ZNF536: variants seen among roughly 807,000 people sequenced by gnomAD.
ZNF536 encodes zinc finger protein 536.
A neutral mutation model predicts 84.5 loss-of-function variants in ZNF536; 13 were observed. The observed-to-expected ratio is 0.15, with a 90% CI of 0.10 to 0.24. The LOEUF (loss-of-function observed/expected upper bound fraction) is 0.24, where lower values mean the gene tolerates loss of function less well. Among genes scored for constraint, ZNF536 ranks in the 10% least tolerant of loss-of-function variants. The pLI, the probability that ZNF536 is intolerant of heterozygous loss-of-function variation, is 1.00. For missense variants in ZNF536, 1,536 were observed against 1,747.5 expected (o/e 0.88, Z 2.16); for synonymous variants, 811 against 742.5 (o/e 1.09, Z -1.50).
chr19:30,676,678 C>T (rs1356218317), intron 1 of ZNF536, among the ~76,000 whole-genome samples: 1 of 152,118 alleles, frequency 6.6e-6, no homozygotes, highest in East Asian at 1.9e-4. Flanking sequence ...AGAAACAGTA[C>T]AAATATTAAT....
chr19:30,701,236 CACACAA>C (rs2051943495), intron 1 of ZNF536, among the ~76,000 whole-genome samples: 3 of 151,800 alleles, frequency 2.0e-5, no homozygotes, highest in Non-Finnish European at 4.4e-5. Context: ...CACACAGACA[CACACAA>C]ACACAAACAC....
chr19:30,561,307 G>A (rs2046156051), downstream of ZNF536, among the ~76,000 whole-genome samples: 1 of 152,194 alleles, frequency 6.6e-6, no homozygotes, highest in South Asian at 2.1e-4. Flanking sequence ...GCCACTCCAA[G>A]GTGTGCCCTG....
intron 1 of ZNF536, among the ~76,000 whole-genome samples, chr19:30,646,536 C>T (rs550452129): frequency 7.9e-5 from 12 of 152,168 alleles, no homozygotes; most frequent in Admixed American, 1.3e-4. Context: ...TCGGTGTGTA[C>T]GTGTGGATGT....
intron 1 of ZNF536, among the ~76,000 whole-genome samples, chr19:30,261,420 G>A (rs116464510): frequency 1.1e-4 from 16 of 151,812 alleles, no homozygotes; most frequent in Non-Finnish European, 1.8e-4. Context: ...GAGTAGGTGC[G>A]GTGGCTCATG....
intron 2 of ZNF536, among the ~76,000 whole-genome samples, chr19:30,290,009 C>T (rs1198816260): frequency 1.3e-5 from 2 of 152,124 alleles, no homozygotes; most frequent in African/African-American, 2.4e-5. Flanking sequence ...AACTCTATAC[C>T]CATTAAATAA....
intron 1 of ZNF536, among the ~76,000 whole-genome samples, chr19:30,439,964 T>TC (rs2051953879): frequency 1.6e-5 from 2 of 125,226 alleles, no homozygotes; most frequent in Non-Finnish European, 3.5e-5. Context: ...TCTTTCTTTT[T>TC]TTTTTTTTTT....
At chr19:30,372,046 T>G (rs1197427548), upstream of ZNF536, among the ~76,000 whole-genome samples, 1 of 152,160 alleles carries the variant, frequency 6.6e-6, no homozygotes, top group Non-Finnish European at 1.5e-5. Context: ...TACCCTTATT[T>G]ATCATTTCTA....
intron 1 of ZNF536, among the ~76,000 whole-genome samples, chr19:30,255,443 G>T (rs939914216): frequency 1.3e-5 from 1 of 75,298 alleles, no homozygotes; most frequent in Non-Finnish European, 2.2e-5. Flanking sequence ...TAAAGAACAC[G>T]GGTTCGGGTG....
intron 1 of ZNF536, among the ~76,000 whole-genome samples, chr19:30,392,458 C>T (rs996760569): frequency 6.6e-6 from 1 of 152,196 alleles, no homozygotes; most frequent in East Asian, 1.9e-4. Context: ...ATGTAGAATC[C>T]GTGCCCTGCA....
At chr19:30,349,024 C>T (rs1201383854) in intron 2 of ZNF536, among the ~76,000 whole-genome samples, 1 of 152,164 alleles carries the variant, frequency 6.6e-6, no homozygotes, top group Non-Finnish European at 1.5e-5. Context: ...GGGCCTTCTG[C>T]CTCCACCAAA....
At chr19:30,545,372 C>T (rs1044383284) in intron 3 of ZNF536, among the ~76,000 whole-genome samples, 36 of 146,172 alleles carry the variant, frequency 2.5e-4, no homozygotes, top group Admixed American at 1.4e-3. Flanking sequence ...AAGTACTACC[C>T]GCTCCCATAT....
In ZNF536 at chr19:30,444,289, C is replaced by A. The variant is rs529033826; in HGVS notation, c.727C>A (p.Gln243Lys). 19 of 1,573,316 alleles carry A rather than the reference C, an allele frequency of 1.2e-5. No homozygotes were observed. The South Asian group carries it at 1.9e-4, about 16-fold the overall frequency. ...APLAACTLAL[Q>K]ANHSVPDVAH... ...GCTGGCCGCCTGCACCCTGGCCCTG[C>A]AGGCTAACCACAGCGTTCCCGACGT... The change falls in exon 2 of 5, where the codon CAG (glutamine) becomes AAG (lysine). Residue 243 changes from glutamine (Q) to lysine (K), a missense_variant. By Grantham distance (53) the Gln-to-Lys change is moderately conservative (BLOSUM62 1). Around this residue, in one of 8 missense-constraint regions of ZNF536, gnomAD observed 138 missense variants for 136.8 expected, o/e 1.01. Transcript: ENST00000355537.
intron 1 of ZNF536, among the ~76,000 whole-genome samples, chr19:30,256,679 G>A (rs967558096): frequency 6.6e-6 from 1 of 152,122 alleles, no homozygotes; most frequent in East Asian, 1.9e-4. Flanking sequence ...CTCTGAAGCC[G>A]GGCCTCTGGA....
intron 1 of ZNF536, among the ~76,000 whole-genome samples, chr19:30,614,942 A>ATTTTTTTATTTTTTTT (rs2048230660): frequency 3.1e-5 from 1 of 32,316 alleles, no homozygotes; most frequent in Non-Finnish European, 5.8e-5. Flanking sequence ...CCCCTTTTCA[A>ATTTTTTTATTTTTTTT]TTTTTTTTTT....
chr19:30,378,522 C>T (rs539034961), intron 1 of ZNF536, among the ~76,000 whole-genome samples: 1 of 152,304 alleles, frequency 6.6e-6, no homozygotes, highest in East Asian at 1.9e-4. Context: ...TCTCGAACTC[C>T]TGCCACATTT....
intron 2 of ZNF536, among the ~76,000 whole-genome samples, chr19:30,523,149 G>A (rs1383962971): frequency 3.3e-5 from 5 of 152,006 alleles, no homozygotes; most frequent in Non-Finnish European, 7.4e-5. Flanking sequence ...GGGTTGGCGC[G>A]GGGGCACTGC....
At chr19:30,225,626 T>C (rs1324947731), upstream of ZNF536, among the ~76,000 whole-genome samples, 1 of 151,158 alleles carries the variant, frequency 6.6e-6, no homozygotes, top group Non-Finnish European at 1.5e-5. Context: ...ACGCTCCGTT[T>C]ACGTGCCCGA....
At chr19:30,277,914 G>T (rs1370100310) in intron 1 of ZNF536, among the ~76,000 whole-genome samples, 1 of 152,230 alleles carries the variant, frequency 6.6e-6, no homozygotes, top group African/African-American at 2.4e-5. Flanking sequence ...TGGGAGGAGG[G>T]TGGTGGCTTC....
chr19:30,595,839 G>T lies in ZNF536; in HGVS notation c.169+46325G>T, dbSNP rs572876806. 2.0e-5 allele frequency among the ~76,000 whole-genome samples: 3 copies of T among 152,282 alleles called. No individual in the cohort carries two copies. The East Asian group carries it at 5.8e-4, about 29-fold the overall frequency. On this transcript the variant is annotated intron_variant, in intron 1 of 1. Coordinates refer to the ZNF536 transcript ENST00000592773. ...AGTCTCTGAAACAAGCCTTTCTAGT[G>T]TCAGGACATAAGAGGCAGGGAAAGG...
Sources: gnomAD v4.1 joint callset for allele counts (sites outside exome capture counted in the v4.1 genomes callset) on GRCh38, gnomAD v4.1.1 for gene constraint, gnomAD v4.1.1 regional missense constraint, MANE v1.5 for transcripts, NCBI Gene and HGNC (gene_info 2026-07-23, HGNC 2026-07-21) for gene names.